Variants in ARHGEF9 observed in about 807,000 individuals in gnomAD.
The protein encoded by ARHGEF9 is rho guanine nucleotide exchange factor 9.
A neutral mutation model predicts 41.3 loss-of-function variants in ARHGEF9; 2 were observed. That is an observed-to-expected ratio of 0.05 (90% CI 0.02 to 0.15). The LOEUF is 0.15. Among genes scored for constraint, ARHGEF9 ranks in the 10% least tolerant of loss-of-function variants. ARHGEF9 has a pLI of 1.00. For synonymous variants in ARHGEF9, 160 were observed against 154.4 expected (o/e 1.04, Z -0.27); for missense variants, 225 against 424.7 (o/e 0.53, Z 4.13).
At chrX:63,778,022 C>T (rs781843553) in intron 1 of ARHGEF9, among the ~76,000 whole-genome samples, 17 of 112,792 alleles carry the variant, frequency 1.5e-4, no homozygotes, top group African/African-American at 5.5e-4. Context: ...GGCAGTGCCC[C>T]AGTGGGGACT....
At chrX:63,755,804 T>G in intron 1 of ARHGEF9, 3 of 740,984 alleles carry the variant, frequency 4.0e-6, no homozygotes, top group Non-Finnish European at 4.8e-6. Flanking sequence ...TCCAATTCTA[T>G]TTGGCTTTCC....
chrX:63,757,292 T>C (rs1556447820), intron 1 of ARHGEF9, among the ~76,000 whole-genome samples: 1 of 111,820 alleles, frequency 8.9e-6, no homozygotes, highest in South Asian at 3.7e-4. Flanking sequence ...AAAACAGACA[T>C]AGGACCTTGC....
At chrX:63,728,351 CA>C (rs1556418328) in intron 1 of ARHGEF9, among the ~76,000 whole-genome samples, 2 of 112,312 alleles carry the variant, frequency 1.8e-5, no homozygotes. Context: ...GGGATCTGCT[CA>C]CTGTGACTCA....
intron 1 of ARHGEF9, among the ~76,000 whole-genome samples, chrX:63,726,299 G>A (rs1287395283): frequency 8.9e-6 from 1 of 112,292 alleles, no homozygotes; most frequent in Non-Finnish European, 1.9e-5. Context: ...GATCCTTACG[G>A]AATCAACTGG....
intron 6 of ARHGEF9, chrX:63,671,140 C>G (rs1201644553): frequency 7.1e-5 from 8 of 112,503 alleles, no homozygotes; most frequent in African/African-American, 2.6e-4. Context: ...GTTCAAACAT[C>G]TGGGAGACAA....
chrX:63,659,064 C>T (rs1488748154), intron 7 of ARHGEF9, among the ~76,000 whole-genome samples: 2 of 112,609 alleles, frequency 1.8e-5, no homozygotes, highest in African/African-American at 6.4e-5. Flanking sequence ...TGACATACCA[C>T]ACACTTGGCA....
rs781898277 is a variant in ARHGEF9 at position 63,674,065 on chromosome X, C to G, written c.918G>C (p.Gln306His). Reference sequence around the variant, plus strand: ...CCCAGTCTAGGACAGAAGCCTGCCACTGAGCAATCTTGTCAATATTCTCTA... The same window carrying G: ...CCCAGTCTAGGACAGAAGCCTGCCAGTGAGCAATCTTGTCAATATTCTCTA... Reference protein sequence around the residue: ...RRLENIDKIAQWQASVLDWEG... With the variant: ...RRLENIDKIAHWQASVLDWEG... The change falls in exon 6 of 10, where the codon CAG becomes CAC. Residue 306 changes from glutamine to histidine, a missense_variant. By Grantham distance (24) the Gln-to-His change is conservative. Transcript: ENST00000671741. 1 of 1,209,798 alleles carries G rather than the reference C, an allele frequency of 8.3e-7. No homozygotes were observed. The highest frequency in any genetic ancestry group is 3.0e-5 in the East Asian group (1 of 33,759).
intron 1 of ARHGEF9, among the ~76,000 whole-genome samples, chrX:63,734,675 G>A (rs1330079277): frequency 1.8e-5 from 2 of 111,454 alleles, no homozygotes; most frequent in African/African-American, 3.3e-5. Context: ...GAGGAATTAC[G>A]GTGGCCTGTC....
At chrX:63,718,523 C>G (rs2053456965) in intron 2 of ARHGEF9, among the ~76,000 whole-genome samples, 1 of 110,407 alleles carries the variant, frequency 9.1e-6, no homozygotes, top group Non-Finnish European at 1.9e-5. Flanking sequence ...CAGAGAAAAA[C>G]AGGTGCCAGG....
chrX:63,784,678 G>A (rs1556464211), intron 1 of ARHGEF9, among the ~76,000 whole-genome samples: 1 of 111,107 alleles, frequency 9.0e-6, no homozygotes, highest in Non-Finnish European at 1.9e-5. Context: ...GAGTCATGCA[G>A]CTCTCCCATA....
intron 4 of ARHGEF9, among the ~76,000 whole-genome samples, chrX:63,682,493 T>C (rs2050717362): frequency 9.3e-6 from 1 of 107,504 alleles, no homozygotes; most frequent in Non-Finnish European, 1.9e-5. Context: ...CCAGCCTGGG[T>C]GACAGAGCGA....
intron 7 of ARHGEF9, among the ~76,000 whole-genome samples, chrX:63,658,991 C>A (rs2049049276): frequency 8.9e-6 from 1 of 112,185 alleles, no homozygotes; most frequent in Admixed American, 9.5e-5. Flanking sequence ...AATAAACTTT[C>A]TCTGACTGCT....
At position 63,653,012 on chromosome X, in the gene ARHGEF9, TC is replaced by T. The variant is rs782684924; in HGVS notation, c.1321+2481del. Among the ~76,000 whole-genome samples the T allele has an allele frequency of 3.6e-5, 4 of 111,726 alleles. No homozygotes were observed. In the East Asian group the frequency reaches 1.1e-3, roughly 32 times the overall value. On this transcript the variant is annotated intron_variant, in intron 8 of 9. Coordinates refer to ENST00000671741, the MANE Select transcript of ARHGEF9 (RefSeq NM_001353921.2). The stretch of plus-strand genomic sequence containing the variant: ...TTTCCTGAGGCCTCCCAGTGATGCT[TC>T]CTGTTAAGCCTGCAGAACTGTGAGT...
In ARHGEF9 at chrX:63,637,913, G is replaced by T; in HGVS notation, c.*115C>A. 16 of 490,338 alleles carry T rather than the reference G, an allele frequency of 3.3e-5. No homozygotes were observed. The highest frequency in any genetic ancestry group is 4.3e-5 in the East Asian group (1 of 23,456). 40.4% of individuals were successfully genotyped at this position (490,338 alleles called of 1,213,427 possible). A position where few individuals can be genotyped will look rare whatever the true frequency, so the allele number is the denominator to read the frequency against. On this transcript the variant is annotated 3_prime_UTR_variant, in exon 10 of 10. Coordinates refer to ENST00000671741, the MANE Select transcript of ARHGEF9 (RefSeq NM_001353921.2). ...GTGTGTGTGTGTATGTGTACTCAAG[G>T]GTCTCTGTGTGTGTGTGTGTGTATA... is the stretch of plus-strand genomic sequence containing the variant.
chrX:63,742,470 C>A (rs1289608534), intron 1 of ARHGEF9, among the ~76,000 whole-genome samples: 1 of 111,678 alleles, frequency 9.0e-6, no homozygotes, highest in Non-Finnish European at 1.9e-5. Flanking sequence ...CCCCCTCTAA[C>A]CCTCAGCAAG....
chrX:63,674,508 A>G (rs1235463086), intron 5 of ARHGEF9, among the ~76,000 whole-genome samples: 1 of 112,004 alleles, frequency 8.9e-6, no homozygotes, highest in Non-Finnish European at 1.9e-5. Context: ...GGTCAGAGCC[A>G]CACTTTCTTA....
At chrX:63,645,800 C>T (rs1305409608) in intron 8 of ARHGEF9, among the ~76,000 whole-genome samples, 2 of 111,964 alleles carry the variant, frequency 1.8e-5, no homozygotes, top group African/African-American at 6.5e-5. Flanking sequence ...TGAGGAATCA[C>T]CACACTGACT....
At chrX:63,658,807 T>C (rs1336836156) in intron 7 of ARHGEF9, among the ~76,000 whole-genome samples, 1 of 112,084 alleles carries the variant, frequency 8.9e-6, no homozygotes, top group Non-Finnish European at 1.9e-5. Flanking sequence ...TCAATTTACA[T>C]AGCTGCCCCA....
chrX:63,754,499 G>A (rs1161298476), intron 1 of ARHGEF9: 13 of 1,096,359 alleles, frequency 1.2e-5, no homozygotes, highest in African/African-American at 3.9e-5. Context: ...CGCGTTCCCA[G>A]GAAAAACATG....
Sources: gnomAD v4.1 joint callset for allele counts (sites outside exome capture counted in the v4.1 genomes callset) on GRCh38, gnomAD v4.1.1 for gene constraint, MANE v1.5 for transcripts, NCBI Gene and HGNC (gene_info 2026-07-23, HGNC 2026-07-21) for gene names.